Variants in RIN3 observed in about 807,000 individuals in gnomAD.
RIN3 encodes the protein RAB5 interacting protein 3.
A neutral mutation model predicts 76.3 loss-of-function variants in RIN3; 54 were observed. The ratio of observed to expected loss-of-function variants is 0.71; its 90% CI spans 0.57 to 0.89. The LOEUF (loss-of-function observed/expected upper bound fraction) is 0.89, where lower values mean the gene tolerates loss of function less well. Ranked by LOEUF, RIN3 falls within the 40% of genes least tolerant of loss-of-function variation. The pLI is 0.00. For missense variants in RIN3, 1,256 were observed against 1,322.1 expected, an observed-to-expected ratio of 0.95 and a Z score of 0.78; for synonymous variants, 576 against 564.0, an observed-to-expected ratio of 1.02 and a Z score of -0.30.
At chr14:92,560,620 A>G (rs1897735233) in intron 2 of RIN3, among the ~76,000 whole-genome samples, 1 of 152,174 alleles carries the variant, frequency 6.6e-6, no homozygotes, top group Admixed American at 6.5e-5. Context: ...ACAGCTGGTG[A>G]AAGCAGAGTC....
At chr14:92,607,315 G>T (rs867579419) in intron 3 of RIN3, among the ~76,000 whole-genome samples, 3 of 152,248 alleles carry the variant, frequency 2.0e-5, no homozygotes, top group Non-Finnish European at 4.4e-5. Context: ...ATGTCAAATG[G>T]TGTGGCCTCT....
chr14:92,577,230 G>A lies in RIN3; in HGVS notation c.250-130G>A, dbSNP rs567909021. 3.5e-5 allele frequency: 22 copies of A among 627,070 alleles called. No individual in the cohort carries two copies. In the East Asian group the frequency reaches 6.0e-4, roughly 17 times the overall value. 38.8% of individuals were successfully genotyped at this position (627,070 alleles called of 1,614,324 possible). Reference sequence around the variant, plus strand: ...GGGCAGAACCCCCAGTGTCCCTGAGGCATCCTTGATCTCCCTAGCCTGCCT... The same window carrying A: ...GGGCAGAACCCCCAGTGTCCCTGAGACATCCTTGATCTCCCTAGCCTGCCT... On this transcript the variant is annotated intron_variant, in intron 2 of 9. Coordinates refer to ENST00000216487, the MANE Select transcript of RIN3 (RefSeq NM_024832.5).
intron 1 of RIN3, among the ~76,000 whole-genome samples, chr14:92,526,287 C>A (rs1026783306): frequency 2.0e-5 from 3 of 152,090 alleles, no homozygotes; most frequent in African/African-American, 7.3e-5. Context: ...GAAACCCCGT[C>A]TCTACTAAAA....
At chr14:92,621,235 C>CAAAAAAA (rs572318532) in intron 4 of RIN3, among the ~76,000 whole-genome samples, 28,704 of 70,014 alleles carry the variant, frequency 0.41, 8,727 homozygotes, top group Non-Finnish European at 0.45. Flanking sequence ...GACTCCGTCT[C>CAAAAAAA]AAAAAAAAAA....
At chr14:92,515,683 AC>A (rs1431205166) in intron 1 of RIN3, among the ~76,000 whole-genome samples, 1 of 152,116 alleles carries the variant, frequency 6.6e-6, no homozygotes, top group Non-Finnish European at 1.5e-5. Context: ...TCACCTGTAA[AC>A]TGGGGGTGCT....
At chr14:92,550,819 C>T (rs923164997) in intron 1 of RIN3, among the ~76,000 whole-genome samples, 4 of 152,184 alleles carry the variant, frequency 2.6e-5, no homozygotes, top group African/African-American at 9.7e-5. Flanking sequence ...CCCAAGACTT[C>T]TAATACAGCA....
intron 4 of RIN3, among the ~76,000 whole-genome samples, chr14:92,618,880 G>A (rs141068571): frequency 6.6e-6 from 1 of 152,328 alleles, no homozygotes; most frequent in African/African-American, 2.4e-5. Flanking sequence ...ACTCAGGAAG[G>A]ACAAGGTGGC....
intron 1 of RIN3, among the ~76,000 whole-genome samples, chr14:92,555,401 A>C (rs529748508): frequency 1.3e-5 from 2 of 152,290 alleles, no homozygotes; most frequent in African/African-American, 4.8e-5. Flanking sequence ...TCCACTGGGA[A>C]ATGGGCACTG....
Position 92,648,481 on chromosome 14 carries a change from A to T in RIN3, c.533-3101A>T, listed in dbSNP as rs561196505. On this transcript the variant is annotated intron_variant, in intron 5 of 9. Coordinates refer to ENST00000216487, the MANE Select transcript of RIN3 (RefSeq NM_024832.5). This position sits in a 1 kb window ranked among gnomAD's most constrained non-coding sequence, Gnocchi z 4.1. ...TGTGCCCTCCTTCCTGCCTCCTCTCACTGTCTTGTATTTACACATCCTCCC... is the reference window on the plus strand; with the variant it reads ...TGTGCCCTCCTTCCTGCCTCCTCTCTCTGTCTTGTATTTACACATCCTCCC... Among the ~76,000 whole-genome samples, 2 of 151,788 alleles carry T rather than the reference A, an allele frequency of 1.3e-5. No homozygotes were observed. Among genetic ancestry groups the T allele is most frequent in the African/African-American group, 4.8e-5 (2 of 41,414 alleles).
intron 3 of RIN3, among the ~76,000 whole-genome samples, chr14:92,582,252 G>T (rs111645336): frequency 6.6e-6 from 1 of 152,126 alleles, no homozygotes. Flanking sequence ...TCCCAGGGCC[G>T]TGTGGCCGAA....
intron 8 of RIN3, among the ~76,000 whole-genome samples, chr14:92,679,091 G>A (rs148448935): frequency 1.3e-5 from 2 of 152,362 alleles, no homozygotes; most frequent in East Asian, 3.9e-4. Flanking sequence ...CAGAGAGCAT[G>A]TCAATTCTGG....
chr14:92,550,498 C>T (rs1438073578), intron 1 of RIN3, among the ~76,000 whole-genome samples: 1 of 152,190 alleles, frequency 6.6e-6, no homozygotes, highest in Admixed American at 6.5e-5. Context: ...ACTGCAGCCT[C>T]CACCTCCAGG....
At chr14:92,620,247 TTC>T (rs1225082950) in intron 4 of RIN3, among the ~76,000 whole-genome samples, 1 of 152,216 alleles carries the variant, frequency 6.6e-6, no homozygotes, top group East Asian at 1.9e-4. Context: ...GGTTTCTGGG[TTC>T]TCTCTCTGAG....
In RIN3 at chr14:92,515,288, A is replaced by C. The variant is rs561708237; in HGVS notation, c.44+1312A>C. 402 of 697,494 alleles carry C rather than the reference A, an allele frequency of 5.8e-4. 4 individuals carry two copies. Among genetic ancestry groups the C allele is most frequent in the South Asian group, 5.5e-3 (365 of 66,822 alleles). 43.2% of individuals were successfully genotyped at this position (697,494 alleles called of 1,614,324 possible). A position where few individuals can be genotyped will look rare whatever the true frequency, so the allele number is the denominator to read the frequency against. On this transcript the variant is annotated intron_variant, in intron 1 of 9. Transcript: ENST00000216487. Reference sequence around the variant, plus strand: ...CCCCCAACCCTCACACCCACTTGCAAGTATCTGCCACACCCAAGATGGCAG... The same window carrying C: ...CCCCCAACCCTCACACCCACTTGCACGTATCTGCCACACCCAAGATGGCAG...
rs985931553 is a variant in RIN3, at chr14:92,577,276, A to G, written c.250-84A>G. On this transcript the variant is annotated intron_variant, in intron 2 of 9. Coordinates refer to ENST00000216487, the MANE Select transcript of RIN3 (RefSeq NM_024832.5). ...TGCCTCATCATTTCAGGAACCTTCCAGATGACTTCCATCTCGTGGTTGTCC... is the reference window on the plus strand; with the variant it reads ...TGCCTCATCATTTCAGGAACCTTCCGGATGACTTCCATCTCGTGGTTGTCC... The G allele has an allele frequency of 4.6e-6, 4 of 866,634 alleles. No homozygotes were observed. In the African/African-American group the frequency reaches 6.7e-5, roughly 14 times the overall value. 53.7% of individuals were successfully genotyped at this position (866,634 alleles called of 1,614,324 possible). A position where few individuals can be genotyped will look rare whatever the true frequency, so the allele number is the denominator to read the frequency against.
chr14:92,587,061 G>A (rs1340592311), intron 3 of RIN3, among the ~76,000 whole-genome samples: 3 of 152,228 alleles, frequency 2.0e-5, no homozygotes, highest in Non-Finnish European at 4.4e-5. Flanking sequence ...TAGAAGGTGG[G>A]ATTCGGCCAG....
chr14:92,603,782 T>C (rs1372155083), intron 3 of RIN3, among the ~76,000 whole-genome samples: 3 of 152,128 alleles, frequency 2.0e-5, no homozygotes, highest in African/African-American at 7.2e-5. Context: ...CAGCACCTTT[T>C]CCTCAGGCAG....
chr14:92,657,721 C>T (rs962558277), intron 6 of RIN3, among the ~76,000 whole-genome samples: 3 of 152,148 alleles, frequency 2.0e-5, no homozygotes, highest in Non-Finnish European at 4.4e-5. Context: ...CCAGTGAGGT[C>T]GGGAGGTGGG....
At chr14:92,530,700 C>G (rs2140003417) in intron 1 of RIN3, among the ~76,000 whole-genome samples, 1 of 152,170 alleles carries the variant, frequency 6.6e-6, no homozygotes, top group East Asian at 1.9e-4. Flanking sequence ...TCTGCCCTAG[C>G]CCCTGAACTC....
Sources: allele counts gnomAD v4.1 joint callset (sites outside exome capture counted in the v4.1 genomes callset), GRCh38; gene constraint gnomAD v4.1.1; non-coding constraint Gnocchi (gnomAD v3.1); transcripts MANE v1.5; gene names NCBI Gene and HGNC (gene_info 2026-07-23, HGNC 2026-07-21).